Variants in MARCHF1 observed in about 807,000 individuals in gnomAD.
MARCHF1 encodes membrane associated ring-CH-type finger 1.
Under a neutral mutation model 54.2 loss-of-function variants are expected in MARCHF1, and 40 were observed. The observed-to-expected ratio is 0.74, with a 90% CI of 0.57 to 0.96. The LOEUF is 0.96. Among genes scored for constraint, MARCHF1 ranks in the 40% least tolerant of loss-of-function variants. The pLI, the probability that MARCHF1 is intolerant of heterozygous loss-of-function variation, is 0.00. For synonymous variants in MARCHF1, 236 were observed against 236.3 expected (o/e 1.00, Z 0.01); for missense variants, 586 against 656.5 (o/e 0.89, Z 1.17).
At chr4:163,548,836 G>A (rs1739000448) in intron 8 of MARCHF1, among the ~76,000 whole-genome samples, 1 of 152,174 alleles carries the variant, frequency 6.6e-6, no homozygotes, top group South Asian at 2.1e-4. Context: ...GAAATGGAGA[G>A]GATAAGGATA....
intron 3 of MARCHF1, among the ~76,000 whole-genome samples, chr4:163,940,014 G>A (rs897683527): frequency 2.6e-5 from 4 of 152,220 alleles, no homozygotes; most frequent in African/African-American, 9.6e-5. Context: ...GGTCACAAGG[G>A]TGACACCCTC....
intron 2 of MARCHF1, among the ~76,000 whole-genome samples, chr4:164,024,268 C>A (rs1034130509): frequency 3.3e-5 from 5 of 151,998 alleles, no homozygotes; most frequent in Admixed American, 3.3e-4. Flanking sequence ...AGTTGACCAC[C>A]CCTCAAGTAC....
chr4:163,759,742 G>T (rs1746778863), intron 4 of MARCHF1, among the ~76,000 whole-genome samples: 1 of 152,002 alleles, frequency 6.6e-6, no homozygotes, highest in Non-Finnish European at 1.5e-5. Flanking sequence ...TTTTATAAAA[G>T]CCAGAAGCCT....
chr4:164,215,290 T>G (rs1207306136), intron 1 of MARCHF1, among the ~76,000 whole-genome samples: 2 of 152,138 alleles, frequency 1.3e-5, no homozygotes, highest in Non-Finnish European at 2.9e-5. Flanking sequence ...GTAGATAGCC[T>G]GCCAGCGTTC....
At chr4:164,231,561 T>C (rs994726015) in intron 1 of MARCHF1, among the ~76,000 whole-genome samples, 7 of 152,112 alleles carry the variant, frequency 4.6e-5, no homozygotes, top group Non-Finnish European at 1.5e-5. Context: ...CAGAAGTGCT[T>C]GACACACACA....
intron 1 of MARCHF1, chr4:164,197,100 C>T (rs1731286153): frequency 6.2e-7 from 1 of 1,606,684 alleles, no homozygotes; most frequent in Non-Finnish European, 8.5e-7. Context: ...CTTCATCCTC[C>T]TCGTCCCCTC....
intron 8 of MARCHF1, among the ~76,000 whole-genome samples, chr4:163,549,781 TGTA>T (rs953759124): frequency 2.0e-5 from 3 of 152,120 alleles, no homozygotes; most frequent in East Asian, 3.9e-4. Flanking sequence ...TTTTCTGAAT[TGTA>T]GTATAACTTG....
At chr4:164,347,567 CA>C (rs1730143847) in intron 1 of MARCHF1, among the ~76,000 whole-genome samples, 1 of 151,998 alleles carries the variant, frequency 6.6e-6, no homozygotes, top group South Asian at 2.1e-4. Flanking sequence ...TTCCGTTTTC[CA>C]AAGTGGGCTA....
intron 2 of MARCHF1, among the ~76,000 whole-genome samples, chr4:164,024,607 A>G (rs895532830): frequency 1.3e-5 from 2 of 152,178 alleles, no homozygotes; most frequent in African/African-American, 4.8e-5. Context: ...CATAGACATG[A>G]AAGAATGACA....
intron 4 of MARCHF1, among the ~76,000 whole-genome samples, chr4:163,733,201 ATATATATATATATATATATACACGTG>A (rs1364508031): frequency 0.03 from 1,014 of 34,080 alleles, 51 homozygotes; most frequent in Non-Finnish European, 0.049. Context: ...ATATATATAT[ATATATATATATATATATATACACGTG>A]TATATATATA....
intron 3 of MARCHF1, among the ~76,000 whole-genome samples, chr4:163,937,543 G>A (rs1408527143): frequency 2.0e-5 from 3 of 151,638 alleles, no homozygotes; most frequent in African/African-American, 4.8e-5. Flanking sequence ...ATGCATGCAT[G>A]CACACATACA....
At chr4:164,211,387 TAC>T (rs202197539) in intron 1 of MARCHF1, among the ~76,000 whole-genome samples, 65 of 145,468 alleles carry the variant, frequency 4.5e-4, no homozygotes, top group African/African-American at 1.4e-3. Flanking sequence ...TGTATATATA[TAC>T]ACACACACAT....
At chr4:163,682,174 T>C (rs1194404926) in intron 5 of MARCHF1, among the ~76,000 whole-genome samples, 1 of 152,150 alleles carries the variant, frequency 6.6e-6, no homozygotes, top group Non-Finnish European at 1.5e-5. Context: ...GCCCTAGAGA[T>C]AGTGAAACTT....
chr4:163,756,292 C>T (rs940525801), intron 4 of MARCHF1, among the ~76,000 whole-genome samples: 1 of 151,932 alleles, frequency 6.6e-6, no homozygotes, highest in African/African-American at 2.4e-5. Flanking sequence ...ATCTACTACA[C>T]CAGTATAGAG....
intron 3 of MARCHF1, among the ~76,000 whole-genome samples, chr4:163,963,085 G>A (rs530196656): frequency 2.6e-5 from 4 of 151,890 alleles, no homozygotes; most frequent in African/African-American, 9.6e-5. Context: ...AAGGAATAAT[G>A]GTTTTAATAC....
intron 2 of MARCHF1, among the ~76,000 whole-genome samples, chr4:164,109,518 G>C (rs1314688054): frequency 3.3e-5 from 5 of 151,770 alleles, no homozygotes. Flanking sequence ...TTTTTCAAAT[G>C]CAAGTATTCT....
chr4:164,321,272 T>A (rs1735136794), intron 1 of MARCHF1, among the ~76,000 whole-genome samples: 1 of 152,130 alleles, frequency 6.6e-6, no homozygotes, highest in Non-Finnish European at 1.5e-5. Flanking sequence ...GAAAGGACTT[T>A]CTGGAGTAAA....
intron 3 of MARCHF1, among the ~76,000 whole-genome samples, chr4:163,869,524 C>G (rs1171740559): frequency 6.6e-6 from 1 of 151,960 alleles, no homozygotes; most frequent in Non-Finnish European, 1.5e-5. Flanking sequence ...TTTTTTGACC[C>G]CAGAATTCAC....
intron 5 of MARCHF1, among the ~76,000 whole-genome samples, chr4:163,675,190 T>C (rs1743872569): frequency 6.6e-6 from 1 of 152,224 alleles, no homozygotes; most frequent in African/African-American, 2.4e-5. Flanking sequence ...AATCAGATTG[T>C]CAAACATTTT....
Sources: allele counts gnomAD v4.1 joint callset (sites outside exome capture counted in the v4.1 genomes callset), GRCh38; gene constraint gnomAD v4.1.1; transcripts MANE v1.5; gene names NCBI Gene and HGNC (gene_info 2026-07-23, HGNC 2026-07-21).